The following GRN variants were observed in gnomAD, a reference collection of about 807,000 sequenced individuals.
GRN encodes the protein progranulin.
GRN carries 30 observed loss-of-function variants against 66.7 expected under a neutral mutation model. The observed-to-expected ratio is 0.45, with a 90% CI of 0.34 to 0.61. GRN has a LOEUF of 0.61. Among genes scored for constraint, GRN ranks in the 20% least tolerant of loss-of-function variants. The pLI is 0.01. For missense variants in GRN, 731 were observed against 803.5 expected (o/e 0.91, Z 1.09); for synonymous variants, 327 against 311.1 (o/e 1.05, Z -0.54).
chr17:44,352,129 C>G lies in GRN; in HGVS notation c.1294C>G (p.Arg432Gly), dbSNP rs63750130. 5 of 1,613,814 alleles carry G rather than the reference C, an allele frequency of 3.1e-6. No homozygotes were observed. The highest frequency in any genetic ancestry group is 4.2e-6 in the Non-Finnish European group (5 of 1,179,916). Residue 432 changes from arginine to glycine, a missense_variant, in exon 11 of 13, where the codon CGC (arginine) becomes GGC (glycine). Physicochemically the swap from Arg to Gly is moderately radical, Grantham distance 125. Coordinates refer to ENST00000053867, the MANE Select transcript of GRN (RefSeq NM_002087.4). ...IVAGLEKMPA[R>G]RASLSHPRDI... ...GGCTGGACTGGAGAAGATGCCTGCCCGCCGGGCTTCCTTATCCCACCCCAG... is the reference window on the plus strand; with the variant it reads ...GGCTGGACTGGAGAAGATGCCTGCCGGCCGGGCTTCCTTATCCCACCCCAG...
chr17:44,352,337 C>A lies in GRN; in HGVS notation c.1414-4C>A. ...ATGCCATTCTGTGCTCCCTTCCCCG[C>A]CAGGCTGTGTGCTGCGAGGATCGCC... On this transcript the variant is annotated splice_polypyrimidine_tract_variant and splice_region_variant and intron_variant, in intron 11 of 12. Transcript: ENST00000053867. 6.2e-7 allele frequency: 1 copy of A among 1,612,552 alleles called. No homozygotes were observed. The highest frequency in any genetic ancestry group is 8.5e-7 in the Non-Finnish European group (1 of 1,179,482).
In GRN at chr17:44,349,231, G is replaced by C; in HGVS notation, c.67G>C (p.Gly23Arg). 1 of 1,613,990 alleles carries C rather than the reference G, an allele frequency of 6.2e-7. No individual in the cohort carries two copies. Among genetic ancestry groups the C allele is most frequent in the Non-Finnish European group, 8.5e-7 (1 of 1,179,946 alleles). ...GLVAGTRCPD[G>R]QFCPVACCLD... The stretch of plus-strand genomic sequence containing the variant: ...GGTGGCTGGAACGCGGTGCCCAGAT[G>C]GTCAGTTCTGCCCTGTGGCCTGCTG... The change falls in exon 2 of 13, where the codon GGT (glycine) becomes CGT (arginine). Residue 23 changes from glycine to arginine, a missense_variant. By Grantham distance (125) the Gly-to-Arg change is moderately radical. Coordinates refer to ENST00000053867, the MANE Select transcript of GRN (RefSeq NM_002087.4).
Position 44,351,770 on chromosome 17 carries a change from A to T in GRN, c.1154A>T (p.Glu385Val). 6.2e-7 allele frequency: 1 copy of T among 1,613,220 alleles called. No individual in the cohort carries two copies. The highest frequency in any genetic ancestry group is 1.1e-5 in the South Asian group (1 of 91,070). Residue 385 changes from glutamate to valine, a missense_variant, in exon 10 of 13, where the codon GAG becomes GTG. Physicochemically the swap from Glu to Val is moderately radical, Grantham distance 121. Transcript: ENST00000053867. ...SDTCCQLTSG[E>V]WGCCPIPEAV... Reference sequence around the variant, plus strand: ...ACCTGCTGCCAACTCACGTCTGGGGAGTGGGGCTGCTGTCCAATCCCAGAG... The same window carrying T: ...ACCTGCTGCCAACTCACGTCTGGGGTGTGGGGCTGCTGTCCAATCCCAGAG...
intron 4 of GRN, 64 bp downstream of exon 4, chr17:44,349,815 G>T (rs2048355221): frequency 2.6e-6 from 3 of 1,134,882 alleles, no homozygotes; most frequent in Non-Finnish European, 4.0e-6. Context: ...GAACCCAGGA[G>T]CCCAGCTGGC....
intron 1 of GRN, among the ~76,000 whole-genome samples, chr17:44,347,416 G>A (rs758999131): frequency 6.6e-6 from 1 of 151,912 alleles, no homozygotes; most frequent in Non-Finnish European, 1.5e-5. Context: ...AGCCTCTTGA[G>A]TAGCTGGGAT....
Position 44,347,944 on chromosome 17 carries a change from AGG to A in GRN, c.-7-1210_-7-1209del, listed in dbSNP as rs368946511. 1.4e-4 allele frequency among the ~76,000 whole-genome samples: 19 copies of A among 137,104 alleles called. 1 individual carries two copies. Among genetic ancestry groups the A allele is most frequent in the Non-Finnish European group, 2.5e-4 (16 of 63,538 alleles). 89.9% of individuals were successfully genotyped at this position (137,104 alleles called of 152,430 possible). On this transcript the variant is annotated intron_variant, in intron 1 of 12. Transcript: ENST00000053867. ...GACTGTCTCAAAAAAAAAAAAAAAA[AGG>A]GGGTGAGCAGACGTGGTGGCACGCT...
rs376153436 is a variant in GRN at position 44,351,080 on chromosome 17, C to G, written c.752C>G (p.Thr251Ser). The G allele has an allele frequency of 3.3e-5, 53 of 1,613,916 alleles. No homozygotes were observed. Among genetic ancestry groups the G allele is most frequent in the Non-Finnish European group, 4.1e-5 (48 of 1,179,930 alleles). ...SDHLHCCPQDTVCDLIQSKCL... is the reference protein window; with the variant it reads ...SDHLHCCPQDSVCDLIQSKCL... The stretch of plus-strand genomic sequence containing the variant: ...CACCTGCACTGCTGCCCCCAAGACA[C>G]TGTGTGTGACCTGATCCAGAGTAAG... The change falls in exon 8 of 13, where the codon ACT becomes AGT. Residue 251 changes from threonine to serine, a missense_variant. Physicochemically the swap from Thr to Ser is moderately conservative, Grantham distance 58 (BLOSUM62 1). Transcript: ENST00000053867.
Position 44,352,683 on chromosome 17 carries a change from G to C in GRN, c.1667G>C (p.Arg556Pro). 6.2e-7 allele frequency: 1 copy of C among 1,610,034 alleles called. No individual in the cohort carries two copies. The highest frequency in any genetic ancestry group is 8.5e-7 in the Non-Finnish European group (1 of 1,179,996). Residue 556 changes from arginine to proline, a missense_variant, in exon 13 of 13, where the codon CGC (arginine) becomes CCC (proline). Physicochemically the swap from Arg to Pro is moderately radical, Grantham distance 103. This residue lies in a region of GRN where 319 missense variants were observed against 347.2 expected (regional missense o/e 0.92). Coordinates refer to ENST00000053867, the MANE Select transcript of GRN (RefSeq NM_002087.4). ...YRQGVCCADR[R>P]HCCPAGFRCA... ...CAGGGCGTCTGTTGTGCTGATCGGC[G>C]CCACTGCTGTCCTGCTGGCTTCCGC...
intron 1 of GRN, 96 bp from the exon 2 acceptor site, chr17:44,349,062 C>A: frequency 1.5e-6 from 2 of 1,378,110 alleles, no homozygotes; most frequent in Non-Finnish European, 2.1e-6. Flanking sequence ...CAGTCCTGGG[C>A]CAGGACCTTG....
In GRN at chr17:44,350,464, T is replaced by C. The variant is rs1336052728; in HGVS notation, c.485T>C (p.Val162Ala). 1.9e-6 allele frequency: 3 copies of C among 1,613,798 alleles called. No homozygotes were observed. Among genetic ancestry groups the C allele is most frequent in the Non-Finnish European group, 2.5e-6 (3 of 1,179,938 alleles). ...CAGGCTTCCTGCTGTGAAGACAGGG[T>C]GCACTGCTGTCCGCACGGTGCCTTC... is the stretch of plus-strand genomic sequence containing the variant. ...MPQASCCEDR[V>A]HCCPHGAFCD... Residue 162 changes from valine to alanine, a missense_variant, in exon 6 of 13, where the codon GTG becomes GCG. By Grantham distance (64) the Val-to-Ala change is moderately conservative. Transcript: ENST00000053867.
intron 4 of GRN, 165 bp downstream of exon 4, chr17:44,349,916 G>A: frequency 3.1e-6 from 2 of 652,548 alleles, no homozygotes; most frequent in Non-Finnish European, 5.5e-6. Flanking sequence ...GGCAGCACTG[G>A]GGATAGGAGG....
At position 44,351,683 on chromosome 17, in the gene GRN, AC is replaced by A; in HGVS notation, c.1070del (p.Pro357HisfsTer4). 6.2e-7 allele frequency: 1 copy of A among 1,613,956 alleles called. No individual in the cohort carries two copies. Among genetic ancestry groups the A allele is most frequent in the African/African-American group, 1.3e-5 (1 of 74,986 alleles). On this transcript the variant is annotated frameshift_variant, in exon 10 of 13. Coordinates refer to ENST00000053867, the MANE Select transcript of GRN (RefSeq NM_002087.4). LOFTEE classifies it high-confidence loss of function. ...GCCCCAGCTCACCTCAGCCTGCCAG[AC>A]CCACAAGCCTTGAAGAGAGATGTCC... ...EKAPAHLSLP[D>X]PQALKRDVPC... is the part of the protein sequence containing the mutation.
chr17:44,349,250 C>A lies in GRN; in HGVS notation c.86C>A (p.Ala29Asp). 6.2e-7 allele frequency: 1 copy of A among 1,614,034 alleles called. No individual in the cohort carries two copies. Among genetic ancestry groups the A allele is most frequent in the Non-Finnish European group, 8.5e-7 (1 of 1,180,014 alleles). Residue 29 changes from alanine to aspartate, a missense_variant, in exon 2 of 13, where the codon GCC (alanine) becomes GAC (aspartate). Ala to Asp is a moderately radical substitution (Grantham distance 126). Coordinates refer to ENST00000053867, the MANE Select transcript of GRN (RefSeq NM_002087.4). Reference protein sequence around the residue: ...RCPDGQFCPVACCLDPGGASY... With the variant: ...RCPDGQFCPVDCCLDPGGASY... Reference sequence around the variant, plus strand: ...CCAGATGGTCAGTTCTGCCCTGTGGCCTGCTGCCTGGACCCCGGAGGAGCC... The same window carrying A: ...CCAGATGGTCAGTTCTGCCCTGTGGACTGCTGCCTGGACCCCGGAGGAGCC...
At chr17:44,346,611 G>A (rs908142893) in intron 1 of GRN, among the ~76,000 whole-genome samples, 4 of 152,234 alleles carry the variant, frequency 2.6e-5, no homozygotes, top group Admixed American at 6.5e-5. Context: ...TATGAACCCA[G>A]GTCCAATACG....
In GRN at chr17:44,352,918, T is replaced by G. The variant is rs1297901712; in HGVS notation, c.*120T>G. ...CCTGGACCCCATTCTGAGCTCCCCA[T>G]CACCATGGGAGGTGGGGCCTCAATC... On this transcript the variant is annotated 3_prime_UTR_variant, in exon 13 of 13. Coordinates refer to ENST00000053867, the MANE Select transcript of GRN (RefSeq NM_002087.4). 13 of 963,488 alleles carry G rather than the reference T, an allele frequency of 1.3e-5. No homozygotes were observed. Among genetic ancestry groups the G allele is most frequent in the Non-Finnish European group, 1.9e-5 (12 of 624,400 alleles). The allele number at this position is 963,488 out of a possible 1,614,324, so 59.7% of individuals were successfully genotyped here. A position where few individuals can be genotyped will look rare whatever the true frequency, so the allele number is the denominator to read the frequency against.
intron 1 of GRN, among the ~76,000 whole-genome samples, chr17:44,346,892 G>T (rs2048329984): frequency 6.6e-6 from 1 of 152,210 alleles, no homozygotes; most frequent in Admixed American, 6.5e-5. Context: ...GTGGCAGGTG[G>T]ATCACCTGAG....
At chr17:44,347,694 G>A (rs1407679513) in intron 1 of GRN, among the ~76,000 whole-genome samples, 1 of 151,258 alleles carries the variant, frequency 6.6e-6, no homozygotes, top group Non-Finnish European at 1.5e-5. Context: ...GTTCAAGCCT[G>A]TAATCCCAGC....
rs748164695 is a variant in GRN at position 44,350,258 on chromosome 17, C to G, written c.380C>G (p.Pro127Arg). ...AACTCCGTGGGTGCCATCCAGTGCC[C>G]TGATAGTCAGTTCGAATGCCCGGAC... ...GNNSVGAIQCPDSQFECPDFS... is the reference protein window; with the variant it reads ...GNNSVGAIQCRDSQFECPDFS... The change falls in exon 5 of 13, where the codon CCT becomes CGT. Residue 127 changes from proline (P) to arginine (R), a missense_variant. Pro to Arg is a moderately radical substitution (Grantham distance 103, BLOSUM62 -2). Around this residue, in one of 3 missense-constraint regions of GRN, gnomAD observed 370 missense variants for 379.8 expected, o/e 0.97. Transcript: ENST00000053867. The G allele has an allele frequency of 6.2e-7, 1 of 1,613,936 alleles. No individual in the cohort carries two copies. The highest frequency in any genetic ancestry group is 1.3e-5 in the African/African-American group (1 of 74,992).
intron 7 of GRN, 112 bp from the exon 8 acceptor site, chr17:44,350,925 G>T: frequency 7.0e-7 from 1 of 1,428,462 alleles, no homozygotes; most frequent in Non-Finnish European, 9.8e-7. Flanking sequence ...CTGATGCAGG[G>T]TTCATGCTAC....
Sources: allele counts gnomAD v4.1 joint callset (sites outside exome capture counted in the v4.1 genomes callset), GRCh38; gene constraint gnomAD v4.1.1; regional missense constraint gnomAD v4.1.1; transcripts MANE v1.5; gene names NCBI Gene and HGNC (gene_info 2026-07-23, HGNC 2026-07-21).